Variants in PATL1 observed in about 807,000 individuals in gnomAD.
PATL1 encodes protein PAT1 homolog 1.
In PATL1, 32 loss-of-function variants were observed where a neutral mutation model predicts 100.6. That is an observed-to-expected ratio of 0.32 (90% CI 0.24 to 0.43). The LOEUF (loss-of-function observed/expected upper bound fraction) is 0.43, where lower values mean the gene tolerates loss of function less well. Among genes scored for constraint, PATL1 ranks in the 20% least tolerant of loss-of-function variants. The probability of loss-of-function intolerance (pLI) is 1.00; values close to 1 mark genes in which losing one functional copy is unlikely to be tolerated. For synonymous variants in PATL1, 332 were observed against 330.0 expected, an observed-to-expected ratio of 1.01 and a Z score of -0.07; for missense variants, 747 against 949.9, an observed-to-expected ratio of 0.79 and a Z score of 2.81.
At chr11:59,651,239 G>A (rs1861439709) in intron 12 of PATL1, among the ~76,000 whole-genome samples, 1 of 152,092 alleles carries the variant, frequency 6.6e-6, no homozygotes, top group Non-Finnish European at 1.5e-5. Flanking sequence ...TCCTCTTCCT[G>A]AAAATCTTAA....
At chr11:59,650,923 T>A in intron 12 of PATL1, 110 bp from the exon 13 acceptor site, 1 of 755,770 alleles carries the variant, frequency 1.3e-6, no homozygotes, top group Non-Finnish European at 2.1e-6. Flanking sequence ...GATAATTGAT[T>A]CTCTGAAAGT....
intron 6 of PATL1, 43 bp from the exon 7 acceptor site, chr11:59,656,088 CA>C (rs1565134447): frequency 1.8e-6 from 2 of 1,130,762 alleles, no homozygotes; most frequent in South Asian, 1.9e-5. Context: ...TGCTATAAAA[CA>C]GGGGGTACAT....
intron 15 of PATL1, among the ~76,000 whole-genome samples, chr11:59,643,510 A>G (rs1861316299): frequency 6.6e-6 from 1 of 151,742 alleles, no homozygotes; most frequent in Non-Finnish European, 1.5e-5. Context: ...GGAGTTCAAG[A>G]CTAGTCTGGA....
intron 5 of PATL1, among the ~76,000 whole-genome samples, chr11:59,657,280 GAT>G: frequency 6.6e-6 from 1 of 152,308 alleles, no homozygotes; most frequent in Non-Finnish European, 1.5e-5. Context: ...CTTCAAAAAG[GAT>G]ATATGTGCTA....
In PATL1 at chr11:59,657,733, G is replaced by C. The variant is rs769791767; in HGVS notation, c.427-9C>G. On this transcript the variant is annotated splice_polypyrimidine_tract_variant and intron_variant, in intron 4 of 18. Transcript: ENST00000300146. ...GACACTGTAGGCATTTCCTAATTGA[G>C]GAAGTGGTAAAATAAAATAGAAATT... The C allele has an allele frequency of 1.3e-6, 2 of 1,543,890 alleles. No homozygotes were observed. The highest frequency in any genetic ancestry group is 1.8e-6 in the Non-Finnish European group (2 of 1,136,106).
At chr11:59,666,684 T>C (rs1590706225) in intron 2 of PATL1, among the ~76,000 whole-genome samples, 169 bp downstream of exon 2, 1 of 152,234 alleles carries the variant, frequency 6.6e-6, no homozygotes, top group Admixed American at 6.5e-5. Context: ...AGGAGCAGGA[T>C]AGGTGCTGTT....
intron 15 of PATL1, among the ~76,000 whole-genome samples, chr11:59,644,547 T>C (rs975910813): frequency 2.0e-5 from 3 of 152,170 alleles, no homozygotes; most frequent in Non-Finnish European, 2.9e-5. Flanking sequence ...CCTTTTCTCT[T>C]GTTATTTATC....
At chr11:59,664,704 T>G (rs529933168) in intron 2 of PATL1, among the ~76,000 whole-genome samples, 76 of 152,200 alleles carry the variant, frequency 5.0e-4, no homozygotes, top group Non-Finnish European at 8.5e-4. Flanking sequence ...CTCAACCTCC[T>G]AAGTGGTACA....
Position 59,652,531 on chromosome 11 carries a change from G to A in PATL1, c.1359C>T (p.Gly453=). The A allele has an allele frequency of 6.2e-7, 1 of 1,613,856 alleles. No homozygotes were observed. The highest frequency in any genetic ancestry group is 8.5e-7 in the Non-Finnish European group (1 of 1,179,836). ...LSAAEEIQGD[G]PKKERTKLIT... The stretch of plus-strand genomic sequence containing the variant: ...TAAGCTTGGTGCGCTCCTTCTTAGG[G>A]CCATCACCTTGTATTTCTTCAGCAG... Residue 453 remains glycine, a synonymous_variant, in exon 11 of 19, where the codon GGC becomes GGT. Transcript: ENST00000300146.
At chr11:59,639,942 A>G (rs1296147717) in intron 16 of PATL1, 2 of 152,510 alleles carry the variant, frequency 1.3e-5, no homozygotes, top group Admixed American at 1.3e-4. Context: ...ACAAAGTCTT[A>G]GACAGAATGT....
Position 59,658,845 on chromosome 11 carries a change from TAA to T in PATL1, c.426+19_426+20del. 1 of 1,533,738 alleles carries T rather than the reference TAA, an allele frequency of 6.5e-7. No homozygotes were observed. The highest frequency in any genetic ancestry group is 1.2e-5 in the South Asian group (1 of 81,028). The stretch of plus-strand genomic sequence containing the variant: ...ATTTTTGGATATTATAAATTTTATG[TAA>T]AGAGAAAATATTTAATACCTGAGCA... On this transcript the variant is annotated intron_variant, in intron 4 of 18. Transcript: ENST00000300146.
chr11:59,658,861 A>G lies in PATL1; in HGVS notation c.426+5T>C, dbSNP rs1443001921. The stretch of plus-strand genomic sequence containing the variant: ...AATTTTATGTAAAGAGAAAATATTT[A>G]ATACCTGAGCAAGCAGTGGTCCTCG... On this transcript the variant is annotated splice_donor_5th_base_variant and intron_variant, in intron 4 of 18. Transcript: ENST00000300146. The G allele has an allele frequency of 6.5e-7, 1 of 1,542,372 alleles. No homozygotes were observed. The highest frequency in any genetic ancestry group is 8.7e-7 in the Non-Finnish European group (1 of 1,144,162).
intron 2 of PATL1, among the ~76,000 whole-genome samples, chr11:59,660,453 T>C (rs542956252): frequency 5.3e-5 from 8 of 152,126 alleles, no homozygotes; most frequent in Non-Finnish European, 7.4e-5. Context: ...TTTAAATAGA[T>C]GGTCAGAGGT....
In PATL1 at chr11:59,651,444, T is replaced by C. The variant is rs1279095706; in HGVS notation, c.1524+100A>G. On this transcript the variant is annotated intron_variant, in intron 12 of 18. Coordinates refer to ENST00000300146, the MANE Select transcript of PATL1 (RefSeq NM_152716.3). The stretch of plus-strand genomic sequence containing the variant: ...CGAGGTGGGAGGCCCCGGGTTAGAC[T>C]ACAAACAACTCTACCATGCCTGATC... 8 of 926,462 alleles carry C rather than the reference T, an allele frequency of 8.6e-6. No homozygotes were observed. The Admixed American group carries it at 1.4e-4, about 17-fold the overall frequency. The allele number at this position is 926,462 out of a possible 1,614,324, so 57.4% of individuals were successfully genotyped here. A position where few individuals can be genotyped will look rare whatever the true frequency, so the allele number is the denominator to read the frequency against.
At chr11:59,665,262 T>C (rs1861671367) in intron 2 of PATL1, among the ~76,000 whole-genome samples, 1 of 152,376 alleles carries the variant, frequency 6.6e-6, no homozygotes, top group South Asian at 2.1e-4. Context: ...GTGACCATTA[T>C]AATACTTTAA....
chr11:59,656,482 G>T lies in PATL1; in HGVS notation c.723+17C>A, dbSNP rs1861535703. On this transcript the variant is annotated intron_variant, in intron 6 of 18. Transcript: ENST00000300146. ...AAATACATACTGCACATTTTTGTTA[G>T]GCTTAAAGTGACATACCGGGACACT... The T allele has an allele frequency of 1.9e-6, 3 of 1,595,838 alleles. No homozygotes were observed. Among genetic ancestry groups the T allele is most frequent in the Non-Finnish European group, 1.7e-6 (2 of 1,163,972 alleles).
chr11:59,667,112 A>G (rs1156761259), intron 1 of PATL1, 148 bp from the exon 2 acceptor site: 4 of 1,407,588 alleles, frequency 2.8e-6, no homozygotes, highest in Non-Finnish European at 2.8e-6. Flanking sequence ...CTACTTCCCA[A>G]TTTCCCTGAC....
chr11:59,646,208 C>G (rs1422845416), intron 15 of PATL1, among the ~76,000 whole-genome samples: 1 of 151,382 alleles, frequency 6.6e-6, no homozygotes, highest in Non-Finnish European at 1.5e-5. Context: ...CTTTTTTAGT[C>G]TGGTCTTCTA....
chr11:59,646,430 C>T (rs1861367124), intron 15 of PATL1, among the ~76,000 whole-genome samples: 1 of 152,162 alleles, frequency 6.6e-6, no homozygotes, highest in Admixed American at 6.5e-5. Flanking sequence ...AAGCGATCCA[C>T]TTGCCTCAGC....
Sources: gnomAD v4.1 joint callset for allele counts (sites outside exome capture counted in the v4.1 genomes callset) on GRCh38, gnomAD v4.1.1 for gene constraint, MANE v1.5 for transcripts, NCBI Gene and HGNC (gene_info 2026-07-23, HGNC 2026-07-21) for gene names.